CSE1L: variants seen among roughly 807,000 people sequenced by gnomAD.
CSE1L encodes the protein chromosome segregation 1 like, also known as exportin-2.
CSE1L carries 24 observed loss-of-function variants against 120.4 expected under a neutral mutation model. The observed-to-expected ratio is 0.20, with a 90% CI of 0.14 to 0.28. The LOEUF (loss-of-function observed/expected upper bound fraction) is 0.28, where lower values mean the gene tolerates loss of function less well. Ranked by LOEUF, CSE1L falls within the 10% of genes least tolerant of loss-of-function variation. The probability of loss-of-function intolerance (pLI) is 1.00; values close to 1 mark genes in which losing one functional copy is unlikely to be tolerated. For missense variants in CSE1L, 830 were observed against 1,145.2 expected, an observed-to-expected ratio of 0.72 and a Z score of 3.97; for synonymous variants, 402 against 398.3, an observed-to-expected ratio of 1.01 and a Z score of -0.11.
intron 15 of CSE1L, 54 bp from the exon 16 acceptor site, chr20:49,085,229 G>T (rs1469989661): frequency 2.2e-6 from 3 of 1,352,114 alleles, no homozygotes; most frequent in Non-Finnish European, 3.2e-6. Flanking sequence ...AGGGTAATCT[G>T]CAGTGACAAG....
At chr20:49,089,779 TA>T (rs1176872891) in intron 19 of CSE1L, 33 bp downstream of exon 19, 2 of 1,595,136 alleles carry the variant, frequency 1.3e-6, no homozygotes, top group Non-Finnish European at 1.7e-6. Flanking sequence ...TGTAATTTTA[TA>T]AAGTAGCTTG....
intron 2 of CSE1L, among the ~76,000 whole-genome samples, chr20:49,062,729 C>G (rs1219786748): frequency 6.6e-6 from 1 of 151,738 alleles, no homozygotes. Context: ...TATAATTTTA[C>G]ATATATAATA....
chr20:49,085,589 T>G (rs964779945), intron 16 of CSE1L, among the ~76,000 whole-genome samples: 14 of 138,662 alleles, frequency 1.0e-4, no homozygotes, highest in Non-Finnish European at 1.6e-4. Context: ...TTTTTTTTTT[T>G]GAGATGGAGC....
At chr20:49,096,118 A>G (rs1304878662) in intron 24 of CSE1L, 11 of 675,592 alleles carry the variant, frequency 1.6e-5, no homozygotes, top group Non-Finnish European at 3.0e-5. Flanking sequence ...CTTTTTAATT[A>G]ACCACAATAC....
chr20:49,064,137 A>G (rs935846695), intron 3 of CSE1L, among the ~76,000 whole-genome samples: 1 of 152,230 alleles, frequency 6.6e-6, no homozygotes, highest in Non-Finnish European at 1.5e-5. Flanking sequence ...CCTACAATGC[A>G]CAAGATAGCT....
At position 49,089,238 on chromosome 20, in the gene CSE1L, T is replaced by C; in HGVS notation, c.1822-9T>C. ...TTAGCATAATTAGGTTTTTTTTTTT[T>C]AATTTCAGAACCCAAGCAAACCTCA... On this transcript the variant is annotated splice_polypyrimidine_tract_variant and intron_variant, in intron 17 of 24. Coordinates refer to ENST00000262982, the MANE Select transcript of CSE1L (RefSeq NM_001316.4). The C allele has an allele frequency of 6.5e-7, 1 of 1,542,592 alleles. No individual in the cohort carries two copies. Among genetic ancestry groups the C allele is most frequent in the Non-Finnish European group, 8.7e-7 (1 of 1,151,822 alleles).
chr20:49,073,062 A>G (rs997555400), intron 10 of CSE1L, among the ~76,000 whole-genome samples: 2 of 152,160 alleles, frequency 1.3e-5, no homozygotes, highest in Non-Finnish European at 2.9e-5. Context: ...CCCAGGCTGG[A>G]GTGCAGTGAT....
chr20:49,076,226 T>C (rs184018380), intron 12 of CSE1L, among the ~76,000 whole-genome samples: 157 of 152,282 alleles, frequency 1.0e-3, no homozygotes, highest in Middle Eastern at 3.4e-3. Context: ...TCGCTCTTGT[T>C]GCCCAGGCTG....
At chr20:49,060,219 C>G (rs2091841111) in intron 2 of CSE1L, among the ~76,000 whole-genome samples, 1 of 151,242 alleles carries the variant, frequency 6.6e-6, no homozygotes, top group Admixed American at 6.6e-5. Context: ...TGCATTTGCT[C>G]ACGCCTGTAA....
At chr20:49,064,339 T>C (rs2091874841) in intron 3 of CSE1L, among the ~76,000 whole-genome samples, 1 of 152,264 alleles carries the variant, frequency 6.6e-6, no homozygotes, top group African/African-American at 2.4e-5. Context: ...GTCTTACTTT[T>C]TTTCTCATTC....
At chr20:49,085,562 ATTTT>A (rs11471947) in intron 16 of CSE1L, among the ~76,000 whole-genome samples, 176 bp downstream of exon 16, 32 of 80,244 alleles carry the variant, frequency 4.0e-4, no homozygotes, top group African/African-American at 1.2e-3. Flanking sequence ...ACTAACAATA[ATTTT>A]TTTTTTTTTT....
intron 22 of CSE1L, among the ~76,000 whole-genome samples, chr20:49,092,619 A>C (rs1031622197): frequency 6.7e-6 from 1 of 149,262 alleles, no homozygotes; most frequent in Admixed American, 6.7e-5. Context: ...ACTTGGACAC[A>C]GGGCGGGGAA....
chr20:49,047,558 TCTTTTC>T (rs2091726281), intron 1 of CSE1L, among the ~76,000 whole-genome samples: 2 of 117,598 alleles, frequency 1.7e-5, no homozygotes, highest in Non-Finnish European at 3.5e-5. Flanking sequence ...TTTTCTTTTC[TCTTTTC>T]TTTTTTTTTT....
At chr20:49,086,825 C>A (rs952597688) in intron 16 of CSE1L, among the ~76,000 whole-genome samples, 1 of 152,152 alleles carries the variant, frequency 6.6e-6, no homozygotes, top group Non-Finnish European at 1.5e-5. Context: ...CCAATTTATC[C>A]TCTAGCCCTT....
intron 8 of CSE1L, 149 bp from the exon 9 acceptor site, chr20:49,072,137 A>G (rs986229247): frequency 1.3e-6 from 1 of 756,808 alleles, no homozygotes; most frequent in Non-Finnish European, 2.1e-6. Context: ...CTTGGTGAAA[A>G]GATTGGTGGT....
At chr20:49,073,988 G>A (rs6019625) in intron 10 of CSE1L, among the ~76,000 whole-genome samples, 106 of 152,200 alleles carry the variant, frequency 7.0e-4, no homozygotes, top group African/African-American at 2.4e-3. Context: ...GCTGAGGTGG[G>A]AGGAACACTT....
In CSE1L at chr20:49,065,313, A is replaced by ATTTTTTTTTTTTTTTTTTTTT. The variant is rs376073464; in HGVS notation, c.229-872_229-852dup. ...AGTTTACATATGAAATGAAAAAAAA[A>ATTTTTTTTTTTTTTTTTTTTT]TTTTTTTTTTTTTTTTTTTTTTTTT... On this transcript the variant is annotated intron_variant, in intron 3 of 24. Transcript: ENST00000262982. Among the ~76,000 whole-genome samples, 237 of 52,062 alleles carry ATTTTTTTTTTTTTTTTTTTTT rather than the reference A, an allele frequency of 4.6e-3. 43 individuals carry two copies. Among genetic ancestry groups the ATTTTTTTTTTTTTTTTTTTTT allele is most frequent in the Non-Finnish European group, 6.0e-3 (162 of 27,098 alleles). 34.2% of individuals were successfully genotyped at this position (52,062 alleles called of 152,430 possible).
Position 49,051,913 on chromosome 20 carries a change from C to G in CSE1L, c.-12+5490C>G, listed in dbSNP as rs147664167. 1.4e-4 allele frequency among the ~76,000 whole-genome samples: 21 copies of G among 152,276 alleles called. No homozygotes were observed. In the East Asian group the frequency reaches 1.5e-3, roughly 11 times the overall value. On this transcript the variant is annotated intron_variant, in intron 1 of 24. Coordinates refer to ENST00000262982, the MANE Select transcript of CSE1L (RefSeq NM_001316.4). ...GTCTCACTATGTTGCCCACGCTGGT[C>G]TTGAAATCCTAGCCTCAAGTGATCC...
intron 22 of CSE1L, among the ~76,000 whole-genome samples, chr20:49,092,829 C>A (rs542430301): frequency 9.5e-4 from 144 of 151,496 alleles, no homozygotes; most frequent in African/African-American, 2.5e-3. Context: ...AAAAAAAAAA[C>A]CAGAATTTTC....
Sources: gnomAD v4.1 joint callset for allele counts (sites outside exome capture counted in the v4.1 genomes callset) on GRCh38, gnomAD v4.1.1 for gene constraint, MANE v1.5 for transcripts, NCBI Gene and HGNC (gene_info 2026-07-23, HGNC 2026-07-21) for gene names.